SSX1: variants seen among roughly 807,000 people sequenced by gnomAD.
SSX1 encodes SSX family member 1.
SSX1 carries 58 observed loss-of-function variants against 14.6 expected under a neutral mutation model. The ratio of observed to expected loss-of-function variants is 3.96; its 90% CI spans 3.21 to 4.93. The LOEUF (loss-of-function observed/expected upper bound fraction) is 4.93, where lower values mean the gene tolerates loss of function less well. SSX1 is among the 30% of genes most tolerant of loss of function. SSX1 has a pLI of 0.00. For synonymous variants in SSX1, 46 were observed against 52.1 expected, an observed-to-expected ratio of 0.88 and a Z score of 0.50; for missense variants, 272 against 143.1, an observed-to-expected ratio of 1.90 and a Z score of -4.60.
chrX:48,259,050 A>G (rs201901811), intron 4 of SSX1, among the ~76,000 whole-genome samples: 4 of 110,920 alleles, frequency 3.6e-5, no homozygotes, highest in African/African-American at 1.3e-4. Flanking sequence ...AGGCTGGAGT[A>G]CAATGGCACA....
At chrX:48,258,885 G>A (rs75658002) in intron 4 of SSX1, among the ~76,000 whole-genome samples, 45,463 of 110,352 alleles carry the variant, frequency 0.41, 7,044 homozygotes, top group Non-Finnish European at 0.46. Flanking sequence ...AAAGGCATCA[G>A]ATTGAGGAGA....
chrX:48,260,293 G>A (rs1456233718), intron 4 of SSX1, among the ~76,000 whole-genome samples: 1 of 109,931 alleles, frequency 9.1e-6, no homozygotes, highest in Admixed American at 9.8e-5. Flanking sequence ...ACTTTTTGAT[G>A]GGGTTGTTTG....
At position 48,257,818 on chromosome X, in the gene SSX1, T is replaced by C. The variant is rs1556934709; in HGVS notation, c.142T>C (p.Tyr48His). Residue 48 changes from tyrosine to histidine, a missense_variant, in exon 3 of 8, where the codon TAT becomes CAT. Transcript: ENST00000376919. ...KKMKYSEKIS[Y>H]VYMKRNYKAM... ...GATGAAATACTCGGAGAAAATCAGC[T>C]ATGTGTATATGAAGAGAAACTATAA... 2 of 1,204,386 alleles carry C rather than the reference T, an allele frequency of 1.7e-6. No homozygotes were observed. The highest frequency in any genetic ancestry group is 2.2e-6 in the Non-Finnish European group (2 of 890,557).
chrX:48,263,761 T>A lies in SSX1; in HGVS notation c.331-21T>A, dbSNP rs373660796. The A allele has an allele frequency of 2.5e-5, 30 of 1,208,619 alleles. No homozygotes were observed. In the African/African-American group the frequency reaches 4.9e-4, roughly 20 times the overall value. On this transcript the variant is annotated intron_variant, in intron 5 of 7. Transcript: ENST00000376919. ...AGAAATGTCACTGATACTGTTTATC[T>A]GTAACCTTCACATTATAAAGATCAT...
chrX:48,257,298 G>GA lies in SSX1; in HGVS notation c.59dup (p.Arg21GlufsTer6), dbSNP rs1168437343. ...CCAGGGATGATGCTAAAGCATCAGA[G>GA]AAGAGAAGCAAGGTGACGTGACCTG... is the stretch of plus-strand genomic sequence containing the variant. On this transcript the variant is annotated frameshift_variant, in exon 2 of 8. Coordinates refer to ENST00000376919, the MANE Select transcript of SSX1 (RefSeq NM_005635.4). LOFTEE classifies it high-confidence loss of function. The GA allele has an allele frequency of 8.3e-7, 1 of 1,208,918 alleles. No homozygotes were observed. The highest frequency in any genetic ancestry group is 1.1e-6 in the Non-Finnish European group (1 of 894,530).
Position 48,267,076 on chromosome X carries a change from T to C in SSX1, c.*227T>C, listed in dbSNP as rs1556936602. The C allele has an allele frequency of 4.1e-5, 18 of 434,089 alleles. No homozygotes were observed. The highest frequency in any genetic ancestry group is 8.1e-6 in the Non-Finnish European group (2 of 248,169). 35.8% of individuals were successfully genotyped at this position (434,089 alleles called of 1,213,427 possible). A position where few individuals can be genotyped will look rare whatever the true frequency, so the allele number is the denominator to read the frequency against. ...GTGCCATTCTGTTAGATACTATCCT[T>C]ATAATTGATGAGCAAGACATACTGA... On this transcript the variant is annotated 3_prime_UTR_variant, in exon 8 of 8. Transcript: ENST00000376919.
At position 48,263,809 on chromosome X, in the gene SSX1, G is replaced by A. The variant is rs147661964; in HGVS notation, c.358G>A (p.Glu120Lys). 6 of 1,209,861 alleles carry A rather than the reference G, an allele frequency of 5.0e-6. No individual in the cohort carries two copies. In the African/African-American group the frequency reaches 5.2e-5, roughly 11 times the overall value. Residue 120 changes from glutamate (E) to lysine (K), a missense_variant, in exon 6 of 8, where the codon GAA becomes AAA. Coordinates refer to ENST00000376919, the MANE Select transcript of SSX1 (RefSeq NM_005635.4). ...CATGCCCAAGAAGCCAGCAGAGGAC[G>A]AAAATGATTCGAAGGGAGTGTCAGA... ...KIMPKKPAED[E>K]NDSKGVSEAS... is the part of the protein sequence containing the mutation.
intron 6 of SSX1, among the ~76,000 whole-genome samples, chrX:48,264,628 G>A (rs782233016): frequency 1.8e-5 from 2 of 111,843 alleles, no homozygotes; most frequent in East Asian, 5.6e-4. Context: ...GAGTGGCTGT[G>A]GCAGTTTCTT....
chrX:48,267,052 T>A lies in SSX1; in HGVS notation c.*203T>A. 3 of 479,385 alleles carry A rather than the reference T, an allele frequency of 6.3e-6. No individual in the cohort carries two copies. Among genetic ancestry groups the A allele is most frequent in the Non-Finnish European group, 3.6e-6 (1 of 276,483 alleles). 39.5% of individuals were successfully genotyped at this position (479,385 alleles called of 1,213,427 possible). On this transcript the variant is annotated 3_prime_UTR_variant, in exon 8 of 8. Coordinates refer to ENST00000376919, the MANE Select transcript of SSX1 (RefSeq NM_005635.4). ...GTTTCCATTGTATTTTCTTACAGTGTGCCATTCTGTTAGATACTATCCTTA... is the reference window on the plus strand; with the variant it reads ...GTTTCCATTGTATTTTCTTACAGTGAGCCATTCTGTTAGATACTATCCTTA...
At chrX:48,258,038 A>T (rs1556934779) in intron 3 of SSX1, among the ~76,000 whole-genome samples, 178 bp downstream of exon 3, 1 of 109,236 alleles carries the variant, frequency 9.2e-6, no homozygotes. Flanking sequence ...GAGGGCAGGG[A>T]CTGGCCATAG....
At chrX:48,261,511 T>C (rs1226845446) in intron 4 of SSX1, among the ~76,000 whole-genome samples, 1 of 112,387 alleles carries the variant, frequency 8.9e-6, no homozygotes, top group Non-Finnish European at 1.9e-5. Flanking sequence ...GTAAAAGATA[T>C]GTAATGGAAT....
chrX:48,266,811 G>T, intron 7 of SSX1, 43 bp from the exon 8 acceptor site: 1 of 848,099 alleles, frequency 1.2e-6, no homozygotes, highest in South Asian at 2.1e-5. Flanking sequence ...TTGGGCAGTG[G>T]GAACTCGCTG....
At chrX:48,265,638 G>A (rs1241161315) in intron 6 of SSX1, among the ~76,000 whole-genome samples, 35 of 111,598 alleles carry the variant, frequency 3.1e-4, no homozygotes, top group African/African-American at 1.0e-3. Flanking sequence ...TAAAAATAAC[G>A]AAAAGAGTGT....
rs140029421 is a variant in SSX1 at position 48,261,787 on chromosome X, T to G, written c.302T>G (p.Phe101Cys). 0.051 allele frequency: 61,745 copies of G among 1,209,204 alleles called. 1,297 individuals carry two copies. Among genetic ancestry groups the G allele is most frequent in the Non-Finnish European group, 0.061 (54,597 of 894,541 alleles). ...RIQVEHPQMT[F>C]GRLHRIIPKI... Reference sequence around the variant, plus strand: ...TCAGTTGAACATCCTCAGATGACTTTCGGCAGGCTCCACAGAATCATCCCG... The same window carrying G: ...TCAGTTGAACATCCTCAGATGACTTGCGGCAGGCTCCACAGAATCATCCCG... The change falls in exon 5 of 8, where the codon TTC (phenylalanine) becomes TGC (cysteine). Residue 101 changes from phenylalanine (F) to cysteine (C), a missense_variant. Coordinates refer to ENST00000376919, the MANE Select transcript of SSX1 (RefSeq NM_005635.4).
intron 1 of SSX1, among the ~76,000 whole-genome samples, chrX:48,256,485 A>T (rs1206160805): frequency 4.2e-5 from 1 of 23,563 alleles, no homozygotes; most frequent in African/African-American, 1.6e-4. Context: ...TTTTTTGTAG[A>T]GATGAGGGGT....
rs782379551 is a variant in SSX1, at chrX:48,261,228, C to A, written c.281-538C>A. Among the ~76,000 whole-genome samples the A allele has an allele frequency of 2.7e-5, 3 of 111,907 alleles. No homozygotes were observed. The South Asian group carries it at 1.1e-3, about 42-fold the overall frequency. On this transcript the variant is annotated intron_variant, in intron 4 of 7. Coordinates refer to ENST00000376919, the MANE Select transcript of SSX1 (RefSeq NM_005635.4). Reference sequence around the variant, plus strand: ...CTCTATTACTCCCCAGCTAAACAGGCCAGAATCAACCATCTCCCACAATCA... The same window carrying A: ...CTCTATTACTCCCCAGCTAAACAGGACAGAATCAACCATCTCCCACAATCA...
chrX:48,262,516 G>A (rs1166612259), intron 5 of SSX1, among the ~76,000 whole-genome samples: 1 of 111,535 alleles, frequency 9.0e-6, no homozygotes, highest in Admixed American at 9.6e-5. Flanking sequence ...CTTAGGAATC[G>A]CTTTGACTGT....
intron 4 of SSX1, among the ~76,000 whole-genome samples, chrX:48,261,309 G>A: frequency 9.0e-6 from 1 of 111,621 alleles, no homozygotes; most frequent in South Asian, 3.8e-4. Context: ...TGACATTAAA[G>A]GAGTGTCTTT....
At chrX:48,266,522 G>T (rs2059624622) in intron 7 of SSX1, 131 bp downstream of exon 7, 4 of 1,095,010 alleles carry the variant, frequency 3.7e-6, no homozygotes. Context: ...CAGCATTGAG[G>T]CTGAATGATG....
Sources: allele counts gnomAD v4.1 joint callset (sites outside exome capture counted in the v4.1 genomes callset), GRCh38; gene constraint gnomAD v4.1.1; transcripts MANE v1.5; gene names NCBI Gene and HGNC (gene_info 2026-07-23, HGNC 2026-07-21).